SLC4A10: variants seen among roughly 807,000 people sequenced by gnomAD.
SLC4A10 encodes solute carrier family 4 member 10, also known as sodium-driven chloride bicarbonate exchanger.
In SLC4A10, 42 loss-of-function variants were observed where a neutral mutation model predicts 137.7. The ratio of observed to expected loss-of-function variants is 0.30; its 90% CI spans 0.24 to 0.39. SLC4A10 has a LOEUF of 0.39. Ranked by LOEUF, SLC4A10 falls within the 10% of genes least tolerant of loss-of-function variation. The pLI is 1.00. For missense variants in SLC4A10, 925 were observed against 1,355.0 expected (o/e 0.68, Z 4.98); for synonymous variants, 474 against 464.1 (o/e 1.02, Z -0.27).
intron 1 of SLC4A10, among the ~76,000 whole-genome samples, chr2:161,625,810 T>G: frequency 6.7e-6 from 1 of 149,904 alleles, no homozygotes; most frequent in Non-Finnish European, 1.5e-5. Context: ...GGGAGCAGAG[T>G]GATGGGAAGA....
chr2:161,684,063 G>A (rs2041146004), intron 1 of SLC4A10, among the ~76,000 whole-genome samples: 3 of 152,042 alleles, frequency 2.0e-5, no homozygotes, highest in South Asian at 4.1e-4. Flanking sequence ...CTCAGGCCCT[G>A]ACAACCATCG....
intron 4 of SLC4A10, among the ~76,000 whole-genome samples, chr2:161,851,324 A>G (rs1189857113): frequency 1.3e-5 from 2 of 152,182 alleles, no homozygotes; most frequent in African/African-American, 4.8e-5. Context: ...GAAGTCTTCC[A>G]TGATTATATT....
chr2:161,847,673 C>T (rs560030391), intron 4 of SLC4A10, among the ~76,000 whole-genome samples: 144 of 152,276 alleles, frequency 9.5e-4, no homozygotes, highest in Middle Eastern at 3.4e-3. Flanking sequence ...ATAATGGCCT[C>T]TAGCTCTATT....
intron 21 of SLC4A10, among the ~76,000 whole-genome samples, chr2:161,961,494 A>C (rs549074305): frequency 7.9e-5 from 12 of 151,700 alleles, no homozygotes; most frequent in Admixed American, 1.3e-4. Context: ...TTGTTTAGTA[A>C]GCCATTAGGG....
Position 161,670,457 on chromosome 2 carries a change from A to G in SLC4A10, c.48+45891A>G, listed in dbSNP as rs75289080. 4.2e-3 allele frequency among the ~76,000 whole-genome samples: 641 copies of G among 152,156 alleles called. 7 individuals carry two copies. The highest frequency in any genetic ancestry group is 0.014 in the African/African-American group (600 of 41,532). On this transcript the variant is annotated intron_variant, in intron 1 of 26. Coordinates refer to ENST00000446997, the MANE Select transcript of SLC4A10 (RefSeq NM_001178015.2). Reference sequence around the variant, plus strand: ...TCAGTCATTCCAGAAAGAATGAGGCAAGGGTATTAGAATTTTTGATCCTTC... The same window carrying G: ...TCAGTCATTCCAGAAAGAATGAGGCGAGGGTATTAGAATTTTTGATCCTTC...
intron 1 of SLC4A10, among the ~76,000 whole-genome samples, chr2:161,698,102 T>G (rs1430336982): frequency 6.6e-6 from 1 of 152,218 alleles, no homozygotes; most frequent in East Asian, 1.9e-4. Context: ...GATTTGGCTC[T>G]CTGTTTGTCT....
chr2:161,708,596 C>T, intron 1 of SLC4A10: 1 of 1,279,790 alleles, frequency 7.8e-7, no homozygotes, highest in East Asian at 2.6e-5. Flanking sequence ...TGTAACTGCA[C>T]AGGGGAGATG....
intron 10 of SLC4A10, among the ~76,000 whole-genome samples, chr2:161,889,581 T>C (rs934667142): frequency 6.6e-6 from 1 of 152,196 alleles, no homozygotes; most frequent in African/African-American, 2.4e-5. Flanking sequence ...GAGGTGTTTA[T>C]AGTATTCCCT....
At chr2:161,676,684 A>G (rs1323307423) in intron 1 of SLC4A10, among the ~76,000 whole-genome samples, 1 of 152,192 alleles carries the variant, frequency 6.6e-6, no homozygotes, top group African/African-American at 2.4e-5. Context: ...TTAAGTTTTT[A>G]TATATCTATA....
chr2:161,762,606 G>T (rs945668366), intron 1 of SLC4A10, among the ~76,000 whole-genome samples: 1 of 151,834 alleles, frequency 6.6e-6, no homozygotes, highest in African/African-American at 2.4e-5. Flanking sequence ...TCTTAATTTT[G>T]TAATGTAACA....
intron 10 of SLC4A10, among the ~76,000 whole-genome samples, chr2:161,890,254 T>C (rs1381196806): frequency 1.3e-5 from 2 of 152,186 alleles, no homozygotes; most frequent in Non-Finnish European, 2.9e-5. Context: ...CTGAGAAGAA[T>C]GTATATTCCG....
intron 1 of SLC4A10, among the ~76,000 whole-genome samples, chr2:161,678,717 A>G (rs989335276): frequency 6.6e-6 from 1 of 152,154 alleles, no homozygotes; most frequent in Non-Finnish European, 1.5e-5. Flanking sequence ...CTGAAATAAT[A>G]TATATGAACT....
At chr2:161,789,437 C>A (rs2053976620) in intron 2 of SLC4A10, among the ~76,000 whole-genome samples, 1 of 151,972 alleles carries the variant, frequency 6.6e-6, no homozygotes, top group Non-Finnish European at 1.5e-5. Context: ...CTTCCCTCAG[C>A]TTTCCATTTG....
intron 1 of SLC4A10, among the ~76,000 whole-genome samples, chr2:161,687,305 T>C (rs926421160): frequency 6.6e-6 from 1 of 152,228 alleles, no homozygotes; most frequent in African/African-American, 2.4e-5. Context: ...TTAAAATATA[T>C]GCAGTGGCAT....
chr2:161,915,189 T>C (rs1410593933), intron 15 of SLC4A10, among the ~76,000 whole-genome samples: 1 of 152,004 alleles, frequency 6.6e-6, no homozygotes, highest in Non-Finnish European at 1.5e-5. Flanking sequence ...AGAGGCAACT[T>C]GACTTCAGAA....
At chr2:161,636,374 T>C (rs560565331) in intron 1 of SLC4A10, among the ~76,000 whole-genome samples, 1 of 152,126 alleles carries the variant, frequency 6.6e-6, no homozygotes, top group Non-Finnish European at 1.5e-5. Flanking sequence ...TACATTTTTA[T>C]TTTTATTTGT....
intron 1 of SLC4A10, among the ~76,000 whole-genome samples, chr2:161,748,919 T>C (rs1325190678): frequency 6.6e-6 from 1 of 152,136 alleles, no homozygotes; most frequent in African/African-American, 2.4e-5. Context: ...GAACATGCGA[T>C]GTCTTTCCAT....
At chr2:161,661,366 T>A (rs1299259280) in intron 1 of SLC4A10, among the ~76,000 whole-genome samples, 4 of 152,204 alleles carry the variant, frequency 2.6e-5, no homozygotes, top group Non-Finnish European at 5.9e-5. Flanking sequence ...TCCCAGCTAC[T>A]CTGGAGGCTG....
rs1052290610 is a variant in SLC4A10, at chr2:161,983,973, A to G, written c.*821A>G. ...GTGGGATTTTTCAATATAAACCTTT[A>G]TCAGAAATATACTAAGTTTGTCTCC... On this transcript the variant is annotated 3_prime_UTR_variant, in exon 27 of 27. Coordinates refer to ENST00000446997, the MANE Select transcript of SLC4A10 (RefSeq NM_001178015.2). 1.3e-5 allele frequency: 2 copies of G among 152,190 alleles called. No individual in the cohort carries two copies. The allele number at this position is 152,190 out of a possible 1,614,324, so 9.4% of individuals were successfully genotyped here.
Sources: gnomAD v4.1 joint callset for allele counts (sites outside exome capture counted in the v4.1 genomes callset) on GRCh38, gnomAD v4.1.1 for gene constraint, MANE v1.5 for transcripts, NCBI Gene and HGNC (gene_info 2026-07-23, HGNC 2026-07-21) for gene names.